The following GYG2 variants were observed in gnomAD, a reference collection of about 807,000 sequenced individuals.
GYG2 encodes glycogenin 2, also known as glycogenin-2.
GYG2 carries 29 observed loss-of-function variants against 29.4 expected under a neutral mutation model. The observed-to-expected ratio is 0.99, with a 90% confidence interval of 0.74 to 1.35. The LOEUF is 1.35. GYG2 is among the 40% of genes most tolerant of loss of function. GYG2 has a pLI of 0.00. For synonymous variants in GYG2, 167 were observed against 172.3 expected, an observed-to-expected ratio of 0.97 and a Z score of 0.24; for missense variants, 370 against 385.7, an observed-to-expected ratio of 0.96 and a Z score of 0.34.
intron 2 of GYG2, among the ~76,000 whole-genome samples, chrX:2,839,924 C>A (rs1328253093): frequency 8.9e-6 from 1 of 112,308 alleles, no homozygotes; most frequent in Non-Finnish European, 1.9e-5. Context: ...GGTACAGGGC[C>A]TCCTTTTGGA....
intron 3 of GYG2, among the ~76,000 whole-genome samples, chrX:2,844,102 A>G (rs770541518): frequency 1.8e-5 from 2 of 112,570 alleles, no homozygotes; most frequent in African/African-American, 6.4e-5. Flanking sequence ...TCAACCATGG[A>G]CCACTTAAAA....
chrX:2,871,190 A>G (rs1302548763), intron 8 of GYG2, among the ~76,000 whole-genome samples: 2 of 109,444 alleles, frequency 1.8e-5, no homozygotes. Context: ...AGGGTCCCTC[A>G]TTGGTCCTGA....
At chrX:2,879,349 C>T (rs2088667111) in intron 10 of GYG2, among the ~76,000 whole-genome samples, 1 of 106,428 alleles carries the variant, frequency 9.4e-6, no homozygotes, top group African/African-American at 3.5e-5. Flanking sequence ...CTCACTGCAA[C>T]CTCCGCCTCC....
chrX:2,851,102 C>A (rs1307555817), intron 3 of GYG2, among the ~76,000 whole-genome samples: 3 of 111,647 alleles, frequency 2.7e-5, no homozygotes, highest in Non-Finnish European at 5.7e-5. Context: ...AACATAAAAT[C>A]CGGACATACA....
chrX:2,833,821 C>T (rs181566093), intron 2 of GYG2, among the ~76,000 whole-genome samples: 5 of 112,137 alleles, frequency 4.5e-5, no homozygotes, highest in African/African-American at 1.3e-4. Flanking sequence ...GCACAGGTGG[C>T]GATCAATCAC....
At position 2,864,389 on chromosome X, in the gene GYG2, T is replaced by C. The variant is rs951800660; in HGVS notation, c.1038+2667T>C. ...TAGATAGAGGCAAATGGTTGCATTT[T>C]TTTTTTTTTTTAGTTTCTGATTGGT... On this transcript the variant is annotated intron_variant, in intron 8 of 10. Transcript: ENST00000398806. Among the ~76,000 whole-genome samples, 25 of 109,923 alleles carry C rather than the reference T, an allele frequency of 2.3e-4. 1 individual carries two copies. Among genetic ancestry groups the C allele is most frequent in the African/African-American group, 8.3e-4 (25 of 30,222 alleles).
At chrX:2,874,230 T>C (rs1003697128) in intron 8 of GYG2, among the ~76,000 whole-genome samples, 1 of 112,910 alleles carries the variant, frequency 8.9e-6, no homozygotes, top group Admixed American at 9.3e-5. Context: ...TAATAATGAC[T>C]TTTGGGGGTG....
intron 7 of GYG2, among the ~76,000 whole-genome samples, chrX:2,860,659 T>C (rs1412785265): frequency 6.5e-5 from 7 of 108,341 alleles, no homozygotes; most frequent in Non-Finnish European, 1.1e-4. Context: ...TTTTTTTTTT[T>C]TTTTAACTAG....
At chrX:2,833,822 G>A (rs1479568020) in intron 2 of GYG2, among the ~76,000 whole-genome samples, 3 of 112,103 alleles carry the variant, frequency 2.7e-5, no homozygotes, top group Admixed American at 1.9e-4. Flanking sequence ...CACAGGTGGC[G>A]ATCAATCACT....
At chrX:2,876,955 A>T (rs1406607099) in intron 9 of GYG2, among the ~76,000 whole-genome samples, 1 of 110,295 alleles carries the variant, frequency 9.1e-6, no homozygotes, top group East Asian at 2.9e-4. Flanking sequence ...TCTCAAAAAA[A>T]AAGTTATAAT....
At chrX:2,833,351 C>T (rs988106547) in intron 2 of GYG2, among the ~76,000 whole-genome samples, 3 of 110,986 alleles carry the variant, frequency 2.7e-5, no homozygotes, top group Non-Finnish European at 5.7e-5. Context: ...ACCCCATCTT[C>T]AAATGCAGAC....
At chrX:2,844,785 T>TATGC (rs2087620573) in intron 3 of GYG2, among the ~76,000 whole-genome samples, 1 of 203 alleles carries the variant, frequency 4.9e-3, no homozygotes, top group African/African-American at 5.7e-3. Context: ...CACGTATGCA[T>TATGC]ATATATATAC....
chrX:2,860,969 A>G (rs187801961), intron 7 of GYG2, among the ~76,000 whole-genome samples: 48 of 109,303 alleles, frequency 4.4e-4, no homozygotes, highest in Non-Finnish European at 7.2e-4. Context: ...ACCTCAAGTC[A>G]TCCACCCGCC....
At chrX:2,860,115 C>A in intron 7 of GYG2, 50 bp downstream of exon 7, 2 of 816,687 alleles carry the variant, frequency 2.4e-6, no homozygotes, top group Non-Finnish European at 3.5e-6. Flanking sequence ...AGGAGAACAT[C>A]CTTGTCACCA....
chrX:2,858,168 C>A (rs1603459482), intron 6 of GYG2, among the ~76,000 whole-genome samples: 2 of 111,666 alleles, frequency 1.8e-5, no homozygotes, highest in African/African-American at 6.5e-5. Flanking sequence ...GAGAGAGAAT[C>A]CACAGGGACA....
At chrX:2,837,064 G>A (rs1326633715) in intron 2 of GYG2, among the ~76,000 whole-genome samples, 1 of 111,530 alleles carries the variant, frequency 9.0e-6, no homozygotes, top group East Asian at 2.8e-4. Flanking sequence ...GTAGAATGTG[G>A]GATTGGAGGC....
In GYG2 at chrX:2,875,684, CTA is replaced by C. The variant is rs72232490; in HGVS notation, c.1039-124_1039-123del. 54,191 of 492,720 alleles carry C rather than the reference CTA, an allele frequency of 0.11. 2,457 individuals carry two copies. Among genetic ancestry groups the C allele is most frequent in the South Asian group, 0.29 (9,855 of 33,608 alleles). 40.6% of individuals were successfully genotyped at this position (492,720 alleles called of 1,213,427 possible). ...GTGAGCATATCACCTTGCCCCAGTC[CTA>C]TCCCATATCAAGTTGTATTTGCACC... On this transcript the variant is annotated intron_variant, in intron 8 of 10. Coordinates refer to ENST00000398806, the MANE Select transcript of GYG2 (RefSeq NM_001079855.2).
chrX:2,862,339 G>A (rs1440417662), intron 8 of GYG2, among the ~76,000 whole-genome samples: 1 of 111,688 alleles, frequency 9.0e-6, no homozygotes, highest in Non-Finnish European at 1.9e-5. Flanking sequence ...GTCTGCCTTG[G>A]TGTAAACCAC....
At chrX:2,845,777 A>T (rs1354784390) in intron 3 of GYG2, among the ~76,000 whole-genome samples, 2 of 104,297 alleles carry the variant, frequency 1.9e-5, no homozygotes, top group Non-Finnish European at 3.9e-5. Context: ...ATGCATGTGT[A>T]TGTATATATA....
Sources: gnomAD v4.1 joint callset for allele counts (sites outside exome capture counted in the v4.1 genomes callset) on GRCh38, gnomAD v4.1.1 for gene constraint, MANE v1.5 for transcripts, NCBI Gene and HGNC (gene_info 2026-07-23, HGNC 2026-07-21) for gene names.